EXD2: variants seen among roughly 807,000 people sequenced by gnomAD.
EXD2 encodes exonuclease 3'-5' domain-containing protein 2.
A neutral mutation model predicts 62.5 loss-of-function variants in EXD2; 40 were observed. The observed-to-expected ratio is 0.64, with a 90% CI of 0.50 to 0.83. The LOEUF is 0.83. Among genes scored for constraint, EXD2 ranks in the 40% least tolerant of loss-of-function variants. The probability of loss-of-function intolerance (pLI) is 0.00; values close to 1 mark genes in which losing one functional copy is unlikely to be tolerated. For synonymous variants in EXD2, 239 were observed against 291.9 expected (o/e 0.82, Z 1.85); for missense variants, 671 against 761.8 (o/e 0.88, Z 1.40).
At chr14:69,205,150 T>C (rs1299982488) in intron 2 of EXD2, among the ~76,000 whole-genome samples, 3 of 152,236 alleles carry the variant, frequency 2.0e-5, no homozygotes, top group Middle Eastern at 3.2e-3. Context: ...CAAATCTTTA[T>C]TCCATGAATA....
chr14:69,200,879 G>C (rs191809387), intron 1 of EXD2, among the ~76,000 whole-genome samples: 18 of 152,126 alleles, frequency 1.2e-4, no homozygotes, highest in Non-Finnish European at 2.4e-4. Flanking sequence ...TTCGAGACCA[G>C]CCTGGCCAAC....
intron 7 of EXD2, 68 bp downstream of exon 7, chr14:69,236,220 G>A: frequency 6.6e-7 from 1 of 1,525,054 alleles, no homozygotes; most frequent in Non-Finnish European, 9.1e-7. Flanking sequence ...AGTGGGGAGT[G>A]AGATAAGGAA....
Position 69,241,968 on chromosome 14 carries a change from C to T in EXD2, c.*868C>T, listed in dbSNP as rs1247431853. ...CTTTTATCAGAATCAGTATCAGTTC[C>T]CCTGTATTCTGTGCTTCATCGAATT... On this transcript the variant is annotated 3_prime_UTR_variant, in exon 10 of 10. Coordinates refer to ENST00000685843, the MANE Select transcript of EXD2 (RefSeq NM_001193360.2). 2.5e-6 allele frequency: 1 copy of T among 398,484 alleles called. No homozygotes were observed. The highest frequency in any genetic ancestry group is 2.1e-5 in the African/African-American group (1 of 48,600). The allele number at this position is 398,484 out of a possible 1,614,324, so 24.7% of individuals were successfully genotyped here. A position where few individuals can be genotyped will look rare whatever the true frequency, so the allele number is the denominator to read the frequency against.
At chr14:69,215,527 T>C (rs1452947424) in intron 3 of EXD2, among the ~76,000 whole-genome samples, 1 of 152,154 alleles carries the variant, frequency 6.6e-6, no homozygotes, top group Admixed American at 6.5e-5. Flanking sequence ...GAATTTACCT[T>C]CCCATCCGTA....
At position 69,242,306 on chromosome 14, in the gene EXD2, C is replaced by A. The variant is rs1162808347; in HGVS notation, c.*1206C>A. On this transcript the variant is annotated 3_prime_UTR_variant, in exon 10 of 10. Coordinates refer to ENST00000685843, the MANE Select transcript of EXD2 (RefSeq NM_001193360.2). The stretch of plus-strand genomic sequence containing the variant: ...AAGAGCTCTATTTTGGAATTGTGCC[C>A]AAGTTGGTGATGTTTACTCTAAAAT... The A allele has an allele frequency of 2.9e-6, 1 of 340,274 alleles. No homozygotes were observed. Among genetic ancestry groups the A allele is most frequent in the Non-Finnish European group, 5.2e-6 (1 of 191,104 alleles). 21.1% of individuals were successfully genotyped at this position (340,274 alleles called of 1,614,324 possible). A position where few individuals can be genotyped will look rare whatever the true frequency, so the allele number is the denominator to read the frequency against.
intron 1 of EXD2, among the ~76,000 whole-genome samples, chr14:69,200,664 G>A (rs753405863): frequency 2.6e-5 from 4 of 151,646 alleles, no homozygotes; most frequent in Non-Finnish European, 4.4e-5. Flanking sequence ...AGCCAAGATC[G>A]CGCCACTGCA....
intron 3 of EXD2, among the ~76,000 whole-genome samples, chr14:69,215,952 C>T (rs1038989035): frequency 1.3e-5 from 2 of 151,804 alleles, no homozygotes; most frequent in African/African-American, 2.4e-5. Context: ...CCTTTACATT[C>T]TTTTGATGTT....
intron 1 of EXD2, among the ~76,000 whole-genome samples, chr14:69,199,599 ATTTTT>A (rs60683799): frequency 6.7e-6 from 1 of 148,470 alleles, no homozygotes; most frequent in African/African-American, 2.5e-5. Context: ...TCAACTTAAA[ATTTTT>A]TTTTTTTTAC....
chr14:69,202,793 T>G (rs1486229978), intron 1 of EXD2, among the ~76,000 whole-genome samples: 1 of 152,184 alleles, frequency 6.6e-6, no homozygotes, highest in Non-Finnish European at 1.5e-5. Flanking sequence ...TTGGCCTCAA[T>G]AGATGAAACA....
chr14:69,237,679 C>G lies in EXD2; in HGVS notation c.1397C>G (p.Ser466Cys). The G allele has an allele frequency of 6.2e-7, 1 of 1,614,254 alleles. No homozygotes were observed. Among genetic ancestry groups the G allele is most frequent in the South Asian group, 1.1e-5 (1 of 91,086 alleles). The change falls in exon 9 of 10, where the codon TCC (serine) becomes TGC (cysteine). Residue 466 changes from serine to cysteine, a missense_variant. Coordinates refer to ENST00000685843, the MANE Select transcript of EXD2 (RefSeq NM_001193360.2). Reference protein sequence around the residue: ...LLLCTSCHAISNYYDNHLKQQ... With the variant: ...LLLCTSCHAICNYYDNHLKQQ... ...CTCTGCACCTCCTGCCATGCCATTT[C>G]CAACTACTATGACAACCATCTGAAG...
intron 9 of EXD2, among the ~76,000 whole-genome samples, chr14:69,240,302 T>C (rs1404945510): frequency 6.6e-6 from 1 of 152,162 alleles, no homozygotes. Context: ...CATCTTCTCA[T>C]TTAATGGCAC....
At position 69,237,917 on chromosome 14, in the gene EXD2, C is replaced by T; in HGVS notation, c.1635C>T (p.Ala545=). The T allele has an allele frequency of 6.4e-7, 1 of 1,561,436 alleles. No individual in the cohort carries two copies. Among genetic ancestry groups the T allele is most frequent in the South Asian group, 1.2e-5 (1 of 81,166 alleles). ...CAGAGGAGATGCTTCAAGAGGCTGC[C>T]AGCCTGGAGACCAGGTACAAAGCAC... The part of the protein sequence containing the change: ...VVTEEMLQEA[A]SLETRISNEN... Residue 545 remains alanine (A), a synonymous_variant, in exon 9 of 10, where the codon GCC becomes GCT. Coordinates refer to ENST00000685843, the MANE Select transcript of EXD2 (RefSeq NM_001193360.2).
intron 3 of EXD2, among the ~76,000 whole-genome samples, 152 bp downstream of exon 3, chr14:69,209,955 A>C (rs540149225): frequency 4.6e-5 from 7 of 152,346 alleles, no homozygotes; most frequent in Non-Finnish European, 4.4e-5. Flanking sequence ...GCAGAAGAAG[A>C]AGCTGCTGTT....
Position 69,209,816 on chromosome 14 carries a change from G to T in EXD2, c.333+13G>T. The T allele has an allele frequency of 4.2e-6, 4 of 945,048 alleles. No homozygotes were observed. Among genetic ancestry groups the T allele is most frequent in the Non-Finnish European group, 4.2e-6 (3 of 713,238 alleles). 58.5% of individuals were successfully genotyped at this position (945,048 alleles called of 1,614,324 possible). ...TGACTGTGAGTGGGTAAGTTAAAAA[G>T]CAAAAGTTAAAAAAAAAAAAAAAAA... On this transcript the variant is annotated intron_variant, in intron 3 of 9. Coordinates refer to ENST00000685843, the MANE Select transcript of EXD2 (RefSeq NM_001193360.2).
At position 69,235,824 on chromosome 14, in the gene EXD2, T is replaced by G. The variant is rs886538944; in HGVS notation, c.1050-222T>G. The stretch of plus-strand genomic sequence containing the variant: ...TCCCTAATGTCCTAGTCCATAAGTG[T>G]AAAAACTAGAGGCATAAACTCATTC... On this transcript the variant is annotated intron_variant, in intron 6 of 9. Transcript: ENST00000685843. The G allele has an allele frequency of 1.0e-4, 57 of 551,846 alleles. No individual in the cohort carries two copies. The Admixed American group carries it at 1.6e-3, about 16-fold the overall frequency. 34.2% of individuals were successfully genotyped at this position (551,846 alleles called of 1,614,324 possible).
At chr14:69,212,850 A>G (rs1256467865) in intron 3 of EXD2, among the ~76,000 whole-genome samples, 1 of 151,466 alleles carries the variant, frequency 6.6e-6, no homozygotes, top group Non-Finnish European at 1.5e-5. Context: ...CTGGAACTAC[A>G]GGTGTGCGCC....
chr14:69,222,086 CAAA>C (rs749899197), intron 3 of EXD2, among the ~76,000 whole-genome samples: 3 of 129,394 alleles, frequency 2.3e-5, no homozygotes, highest in Admixed American at 7.9e-5. Flanking sequence ...GACTCTATCT[CAAA>C]AAAAAAAAAA....
intron 3 of EXD2, among the ~76,000 whole-genome samples, chr14:69,221,302 C>G (rs2043176625): frequency 6.6e-6 from 1 of 152,184 alleles, no homozygotes; most frequent in Non-Finnish European, 1.5e-5. Context: ...TAGTTAGAAT[C>G]TACTGGTGAA....
intron 3 of EXD2, among the ~76,000 whole-genome samples, chr14:69,216,411 C>G (rs2042989924): frequency 6.6e-6 from 1 of 152,124 alleles, no homozygotes; most frequent in Non-Finnish European, 1.5e-5. Context: ...TCCACAATAT[C>G]TTGGATAATC....
Sources: allele counts gnomAD v4.1 joint callset (sites outside exome capture counted in the v4.1 genomes callset), GRCh38; gene constraint gnomAD v4.1.1; transcripts MANE v1.5; gene names NCBI Gene and HGNC (gene_info 2026-07-23, HGNC 2026-07-21).